The following BARHL2 variants were observed in gnomAD, a reference collection of about 807,000 sequenced individuals.
The protein encoded by BARHL2 is barH-like 2 homeobox protein.
In BARHL2, 10 loss-of-function variants were observed where a neutral mutation model predicts 27.1. That is an observed-to-expected ratio of 0.37 (90% CI 0.23 to 0.63). The LOEUF (loss-of-function observed/expected upper bound fraction) is 0.63. Among genes scored for constraint, BARHL2 ranks in the 20% least tolerant of loss-of-function variants. The probability of loss-of-function intolerance (pLI) is 0.65; values close to 1 mark genes in which losing one functional copy is unlikely to be tolerated. For missense variants in BARHL2, 483 were observed against 533.5 expected, an observed-to-expected ratio of 0.91 and a Z score of 0.93; for synonymous variants, 248 against 224.7, an observed-to-expected ratio of 1.10 and a Z score of -0.93.
chr1:90,712,771 GCAC>G (rs1658063129), intron 2 of BARHL2, 147 bp from the exon 3 acceptor site: 1 of 822,156 alleles, frequency 1.2e-6, no homozygotes, highest in African/African-American at 1.7e-5. Flanking sequence ...AACTGGCAAT[GCAC>G]CACATCTCCT....
In BARHL2 at chr1:90,711,794, T is replaced by A. The variant is rs1658036855; in HGVS notation, c.*518A>T. On this transcript the variant is annotated 3_prime_UTR_variant, in exon 3 of 3. Coordinates refer to ENST00000370445, the MANE Select transcript of BARHL2 (RefSeq NM_020063.2). ...CCAAAAGAAAAAAGGTCATGAGAAA[T>A]CAGTGCAAAGTTCTCAGTTACCCTC... 1 of 152,244 alleles carries A rather than the reference T, an allele frequency of 6.6e-6. No homozygotes were observed. The highest frequency in any genetic ancestry group is 2.1e-4 in the South Asian group (1 of 4,822). The allele number at this position is 152,244 out of a possible 1,614,324, so 9.4% of individuals were successfully genotyped here.
intron 2 of BARHL2, among the ~76,000 whole-genome samples, chr1:90,713,026 C>G (rs141900920): frequency 4.7e-4 from 72 of 152,248 alleles, no homozygotes; most frequent in African/African-American, 1.7e-3. Context: ...CTCCCAACTC[C>G]CAACAATCCC....
At chr1:90,713,954 G>A (rs1487626280) in intron 2 of BARHL2, among the ~76,000 whole-genome samples, 9 of 152,180 alleles carry the variant, frequency 5.9e-5, no homozygotes, top group Non-Finnish European at 8.8e-5. Flanking sequence ...TCCAGGCTGC[G>A]GCTGCCAAAC....
In BARHL2 at chr1:90,716,600, TC is replaced by T; in HGVS notation, c.595del (p.Glu199ArgfsTer29). ...GCATTTGATGTCGCTCTGGGAATCC[TC>T]CCGCTTGTCGAGTTTGGTCTTGCTG... ...EDSKTKLDKR[E>X]DSQSDIKCHG... On this transcript the variant is annotated frameshift_variant, in exon 1 of 3. Transcript: ENST00000370445. LOFTEE classifies it high-confidence loss of function. 1.9e-6 allele frequency: 3 copies of T among 1,614,184 alleles called. No individual in the cohort carries two copies. The highest frequency in any genetic ancestry group is 2.5e-6 in the Non-Finnish European group (3 of 1,180,038).
chr1:90,712,220 G>T lies in BARHL2; in HGVS notation c.*92C>A. Reference sequence around the variant, plus strand: ...CCTTCCAGAGTTGGCTGCAAGGGAGGCCTAGTGGCCTGGAGCAGGGAGAGG... The same window carrying T: ...CCTTCCAGAGTTGGCTGCAAGGGAGTCCTAGTGGCCTGGAGCAGGGAGAGG... On this transcript the variant is annotated 3_prime_UTR_variant, in exon 3 of 3. Transcript: ENST00000370445. 1 of 1,308,706 alleles carries T rather than the reference G, an allele frequency of 7.6e-7. No homozygotes were observed. The highest frequency in any genetic ancestry group is 1.0e-6 in the Non-Finnish European group (1 of 995,738). 81.1% of individuals were successfully genotyped at this position (1,308,706 alleles called of 1,614,324 possible). A position where few individuals can be genotyped will look rare whatever the true frequency, so the allele number is the denominator to read the frequency against.
At chr1:90,716,461 G>A in intron 1 of BARHL2, 110 bp downstream of exon 1, 2 of 1,215,930 alleles carry the variant, frequency 1.6e-6, no homozygotes, top group South Asian at 1.2e-5. Flanking sequence ...CCAGTCGCCC[G>A]AGAAGCTCCT....
At chr1:90,715,505 T>C (rs1240399685) in intron 1 of BARHL2, among the ~76,000 whole-genome samples, 1 of 152,164 alleles carries the variant, frequency 6.6e-6, no homozygotes, top group Non-Finnish European at 1.5e-5. Flanking sequence ...TGCTCCTTGA[T>C]CTTCCCTGCA....
At chr1:90,716,146 G>T (rs954819318) in intron 1 of BARHL2, among the ~76,000 whole-genome samples, 6 of 148,932 alleles carry the variant, frequency 4.0e-5, no homozygotes, top group Admixed American at 2.7e-4. Flanking sequence ...TTGTACTAAA[G>T]AATAAACACC....
chr1:90,716,897 G>C lies in BARHL2; in HGVS notation c.299C>G (p.Ala100Gly), dbSNP rs760087699. The C allele has an allele frequency of 1.9e-6, 3 of 1,597,230 alleles. No homozygotes were observed. Among genetic ancestry groups the C allele is most frequent in the Non-Finnish European group, 2.6e-6 (3 of 1,173,422 alleles). ...CAAAGGCTGCAAACTTTGCGTCGGGGCCGCGGCCGGCGGCGGCGGCTGCTG... is the reference window on the plus strand; with the variant it reads ...CAAAGGCTGCAAACTTTGCGTCGGGCCCGCGGCCGGCGGCGGCGGCTGCTG... ...HSQQPPPPAAAPTQSLQPLPQ... is the reference protein window; with the variant it reads ...HSQQPPPPAAGPTQSLQPLPQ... The change falls in exon 1 of 3, where the codon GCC (alanine) becomes GGC (glycine). Residue 100 changes from alanine (A) to glycine (G), a missense_variant. Ala to Gly is a moderately conservative substitution (Grantham distance 60). Transcript: ENST00000370445.
At chr1:90,717,297 GCCGCTT>G in exon 1 of BARHL2, 1 of 1,489,402 alleles carries the variant, frequency 6.7e-7, no homozygotes, top group Non-Finnish European at 8.8e-7. Context: ...CAATGTTGCC[GCCGCTT>G]AAAAAAAAAA....
rs1226316192 is a variant in BARHL2, at chr1:90,714,728, A to G, written c.654T>C (p.Ile218=). ...CAGGGGGACTCTCACGGCTACTCGT[A>G]ATCTCCCGGTCTCCTTCCTCCTTTG... The part of the protein sequence containing the change: ...HGTKEEGDRE[I]TSSRESPPVR... The change falls in exon 2 of 3, where the codon ATT becomes ATC. Residue 218 remains isoleucine (I), a synonymous_variant. Coordinates refer to ENST00000370445, the MANE Select transcript of BARHL2 (RefSeq NM_020063.2). 6.2e-7 allele frequency: 1 copy of G among 1,614,206 alleles called. No homozygotes were observed. Among genetic ancestry groups the G allele is most frequent in the South Asian group, 1.1e-5 (1 of 91,084 alleles).
In BARHL2 at chr1:90,716,646, G is replaced by A. The variant is rs1176452194; in HGVS notation, c.550C>T (p.Pro184Ser). 7 of 1,613,952 alleles carry A rather than the reference G, an allele frequency of 4.3e-6. No homozygotes were observed. The highest frequency in any genetic ancestry group is 1.6e-4 in the Middle Eastern group (1 of 6,084). The change falls in exon 1 of 3, where the codon CCA becomes TCA. Residue 184 changes from proline (P) to serine (S), a missense_variant. Around this residue, in one of 3 missense-constraint regions of BARHL2, gnomAD observed 304 missense variants for 284.9 expected, o/e 1.07. Transcript: ENST00000370445. ...ESNAVHESFR[P>S]KLEQEDSKTK... The stretch of plus-strand genomic sequence containing the variant: ...TTGCTGTCCTCCTGCTCGAGCTTTG[G>A]CCTGAAGCTCTCGTGCACTGCGTTG...
chr1:90,713,682 C>A (rs942882449), intron 2 of BARHL2, among the ~76,000 whole-genome samples: 2 of 152,152 alleles, frequency 1.3e-5, no homozygotes, highest in Admixed American at 1.3e-4. Context: ...TAGAGAAAAT[C>A]GAGACAAGGA....
intron 1 of BARHL2, among the ~76,000 whole-genome samples, chr1:90,715,120 G>C (rs1023112453): frequency 2.1e-5 from 3 of 145,946 alleles, no homozygotes; most frequent in African/African-American, 7.6e-5. Context: ...ATTGTTTTCA[G>C]TATGACTTTG....
At position 90,712,640 on chromosome 1, in the gene BARHL2, T is replaced by G. The variant is rs976645520; in HGVS notation, c.852-16A>C. On this transcript the variant is annotated splice_polypyrimidine_tract_variant and intron_variant, in intron 2 of 2. Transcript: ENST00000370445. ...CCACTTGGTCCTGAAAGAAAGCGGG[T>G]GTGCAGGCACCCAGCAGCTGTGGGC... The G allele has an allele frequency of 3.1e-6, 5 of 1,589,486 alleles. No homozygotes were observed. The highest frequency in any genetic ancestry group is 4.3e-6 in the Non-Finnish European group (5 of 1,165,524).
At position 90,716,662 on chromosome 1, in the gene BARHL2, C is replaced by A. The variant is rs763083299; in HGVS notation, c.534G>T (p.Val178=). 2 of 1,613,706 alleles carry A rather than the reference C, an allele frequency of 1.2e-6. No homozygotes were observed. The highest frequency in any genetic ancestry group is 2.2e-5 in the South Asian group (2 of 90,916). Residue 178 remains valine, a synonymous_variant, in exon 1 of 3, where the codon GTG becomes GTT. Coordinates refer to ENST00000370445, the MANE Select transcript of BARHL2 (RefSeq NM_020063.2). ...CGAGCTTTGGCCTGAAGCTCTCGTG[C>A]ACTGCGTTGCTCTCCTGCTTCGGGG... ...HHTPKQESNA[V]HESFRPKLEQ...
At chr1:90,713,390 C>T (rs565805366) in intron 2 of BARHL2, among the ~76,000 whole-genome samples, 4 of 152,312 alleles carry the variant, frequency 2.6e-5, no homozygotes, top group South Asian at 4.1e-4. Flanking sequence ...CTCCCTCCCC[C>T]GCTGCACACC....
At position 90,716,938 on chromosome 1, in the gene BARHL2, G is replaced by A. The variant is rs1404471701; in HGVS notation, c.258C>T (p.His86=). The change falls in exon 1 of 3, where the codon CAC becomes CAT. Residue 86 remains histidine (H), a synonymous_variant. Coordinates refer to ENST00000370445, the MANE Select transcript of BARHL2 (RefSeq NM_020063.2). ...GCGGCTGCTGGCTGTGGTGGAGGTG[G>A]TGATGATGCTGGGTCGCGTCTGCTA... ...HLVADATQHH[H]HLHHSQQPPP... is the part of the protein sequence containing the mutation. The A allele has an allele frequency of 1.2e-6, 2 of 1,612,426 alleles. No individual in the cohort carries two copies. Among genetic ancestry groups the A allele is most frequent in the African/African-American group, 2.7e-5 (2 of 74,758 alleles).
Position 90,717,025 on chromosome 1 carries a change from G to T in BARHL2, c.171C>A (p.Thr57=). 1.2e-6 allele frequency: 2 copies of T among 1,613,872 alleles called. No individual in the cohort carries two copies. The highest frequency in any genetic ancestry group is 1.7e-6 in the Non-Finnish European group (2 of 1,179,952). The change falls in exon 1 of 3, where the codon ACC becomes ACA. Residue 57 remains threonine, a synonymous_variant. Transcript: ENST00000370445. ...ATPSPCSEID[T]VGTAPSSPIS... ...TAGGAGAAGAAGGCGCCGTCCCTAC[G>T]GTATCAATCTCCGAACAGGGAGATG...
Sources: gnomAD v4.1 joint callset for allele counts (sites outside exome capture counted in the v4.1 genomes callset) on GRCh38, gnomAD v4.1.1 for gene constraint, gnomAD v4.1.1 regional missense constraint, MANE v1.5 for transcripts, NCBI Gene and HGNC (gene_info 2026-07-23, HGNC 2026-07-21) for gene names.